Variants in SYNJ2 observed in about 807,000 individuals in gnomAD.
SYNJ2 encodes polyphosphatidylinositol phosphatase SYNJ2.
A neutral mutation model predicts 141.3 loss-of-function variants in SYNJ2; 116 were observed. The ratio of observed to expected loss-of-function variants is 0.82; its 90% confidence interval spans 0.71 to 0.96. The LOEUF (loss-of-function observed/expected upper bound fraction) is 0.96. Among genes scored for constraint, SYNJ2 ranks in the 40% least tolerant of loss-of-function variants. The probability of loss-of-function intolerance (pLI) is 0.00; values close to 1 mark genes in which losing one functional copy is unlikely to be tolerated. For missense variants in SYNJ2, 1,873 were observed against 1,934.8 expected (o/e 0.97, Z 0.60); for synonymous variants, 745 against 777.7 (o/e 0.96, Z 0.70).
chr6:158,076,851 G>A (rs993597681), intron 17 of SYNJ2, 69 bp downstream of exon 17: 13 of 1,519,264 alleles, frequency 8.6e-6, no homozygotes, highest in East Asian at 2.3e-5. Flanking sequence ...GGAGAGTCAC[G>A]TTTACCCAAC....
At chr6:158,053,713 C>T (rs1780695806) in intron 5 of SYNJ2, among the ~76,000 whole-genome samples, 1 of 151,342 alleles carries the variant, frequency 6.6e-6, no homozygotes, top group African/African-American at 2.4e-5. Flanking sequence ...AGTCATCCAC[C>T]CATCCAGCCA....
intron 4 of SYNJ2, among the ~76,000 whole-genome samples, chr6:158,039,660 T>C (rs947078498): frequency 6.6e-6 from 1 of 152,122 alleles, no homozygotes; most frequent in Non-Finnish European, 1.5e-5. Context: ...CGTGCTCCTG[T>C]AGACAGTCGG....
intron 5 of SYNJ2, among the ~76,000 whole-genome samples, chr6:158,045,317 C>A (rs1780180230): frequency 6.6e-6 from 1 of 151,976 alleles, no homozygotes; most frequent in Admixed American, 6.6e-5. Flanking sequence ...ACCATGTTAG[C>A]CAGGCTGGTC....
At chr6:158,065,602 A>T (rs1210776232) in intron 11 of SYNJ2, among the ~76,000 whole-genome samples, 1 of 152,224 alleles carries the variant, frequency 6.6e-6, no homozygotes, top group Non-Finnish European at 1.5e-5. Flanking sequence ...ATTTTTCCTT[A>T]TAAGAATGTA....
chr6:158,065,232 C>T (rs567451424), intron 11 of SYNJ2, among the ~76,000 whole-genome samples: 15 of 152,348 alleles, frequency 9.8e-5, no homozygotes, highest in African/African-American at 3.6e-4. Context: ...AAGCGAGAGA[C>T]ACCAGGCGGG....
chr6:158,088,580 G>A (rs191683016), intron 23 of SYNJ2, 80 bp from the exon 24 acceptor site: 41 of 1,040,804 alleles, frequency 3.9e-5, no homozygotes, highest in Admixed American at 1.0e-4. Context: ...CATCCGCCTC[G>A]TCTAGTCGGG....
chr6:158,009,208 C>T (rs975386605), intron 1 of SYNJ2, among the ~76,000 whole-genome samples: 1 of 152,226 alleles, frequency 6.6e-6, no homozygotes, highest in Non-Finnish European at 1.5e-5. Context: ...ACTTTTTCTG[C>T]TCCGCGCCTG....
At chr6:157,994,811 A>T (rs891457237) in intron 1 of SYNJ2, among the ~76,000 whole-genome samples, 2 of 152,220 alleles carry the variant, frequency 1.3e-5, no homozygotes, top group Non-Finnish European at 2.9e-5. Flanking sequence ...TCTTTTTGAC[A>T]GGGGAAGATA....
At chr6:158,029,643 C>T (rs939256985) in intron 3 of SYNJ2, among the ~76,000 whole-genome samples, 2 of 152,104 alleles carry the variant, frequency 1.3e-5, no homozygotes, top group African/African-American at 2.4e-5. Flanking sequence ...AGTGCTTCCT[C>T]AGTCCCGGGT....
chr6:158,069,707 C>T, intron 14 of SYNJ2, 34 bp downstream of exon 14: 2 of 1,566,830 alleles, frequency 1.3e-6, no homozygotes, highest in Non-Finnish European at 8.7e-7. Flanking sequence ...ATCTGGGGAA[C>T]AAGGGGTTGT....
At chr6:158,016,767 A>G (rs964702917) in intron 1 of SYNJ2, among the ~76,000 whole-genome samples, 2 of 152,174 alleles carry the variant, frequency 1.3e-5, no homozygotes, top group African/African-American at 4.8e-5. Context: ...CTGGGCACTC[A>G]GAGGTACTCA....
At chr6:158,018,869 C>T (rs1166894372) in intron 2 of SYNJ2, among the ~76,000 whole-genome samples, 1 of 152,248 alleles carries the variant, frequency 6.6e-6, no homozygotes, top group Non-Finnish European at 1.5e-5. Context: ...GTGCGGGCTG[C>T]CGAGGGTTTT....
chr6:158,078,572 A>G (rs1782471207), intron 18 of SYNJ2: 2 of 239,740 alleles, frequency 8.3e-6, no homozygotes, highest in South Asian at 1.5e-4. Flanking sequence ...ATTTTCTTAA[A>G]TGATGTCGTT....
At chr6:158,033,792 T>A in intron 4 of SYNJ2, 112 bp downstream of exon 4, 1 of 1,088,092 alleles carries the variant, frequency 9.2e-7, no homozygotes, top group South Asian at 1.5e-5. Context: ...TGGTGGTCTC[T>A]GATCAGGCTT....
chr6:157,991,451 G>A (rs139905260), intron 1 of SYNJ2, among the ~76,000 whole-genome samples: 26 of 152,282 alleles, frequency 1.7e-4, no homozygotes, highest in African/African-American at 5.3e-4. Context: ...CCAGGATCTC[G>A]CATCAGCTTG....
intron 1 of SYNJ2, among the ~76,000 whole-genome samples, chr6:157,989,533 G>C (rs1439889820): frequency 6.8e-6 from 1 of 146,328 alleles, no homozygotes; most frequent in Non-Finnish European, 1.5e-5. Flanking sequence ...ATACACTTTT[G>C]ATCGAGGAGG....
intron 26 of SYNJ2, among the ~76,000 whole-genome samples, chr6:158,094,919 G>A (rs1048076694): frequency 1.2e-4 from 19 of 152,254 alleles, no homozygotes; most frequent in African/African-American, 2.6e-4. Flanking sequence ...AGGCTGAGGC[G>A]GGTGGATCAC....
At chr6:157,988,262 A>T (rs541275286) in intron 1 of SYNJ2, among the ~76,000 whole-genome samples, 41 of 152,338 alleles carry the variant, frequency 2.7e-4, no homozygotes, top group Non-Finnish European at 5.7e-4. Context: ...GCAGGGGGGC[A>T]TGAAGCCCAG....
At chr6:158,036,692 G>A (rs1779656880) in intron 4 of SYNJ2, among the ~76,000 whole-genome samples, 1 of 152,020 alleles carries the variant, frequency 6.6e-6, no homozygotes, top group Non-Finnish European at 1.5e-5. Flanking sequence ...CTTAATACTG[G>A]GTGACAAAAT....
Sources: gnomAD v4.1 joint callset for allele counts (sites outside exome capture counted in the v4.1 genomes callset) on GRCh38, gnomAD v4.1.1 for gene constraint, MANE v1.5 for transcripts, NCBI Gene and HGNC (gene_info 2026-07-23, HGNC 2026-07-21) for gene names.